The following NOVA1 variants were observed in gnomAD, a reference collection of about 807,000 sequenced individuals.
NOVA1 encodes RNA-binding protein Nova-1.
A neutral mutation model predicts 38.0 loss-of-function variants in NOVA1; 7 were observed. The observed-to-expected ratio is 0.18, with a 90% confidence interval of 0.10 to 0.35. The LOEUF is 0.35. Ranked by LOEUF, NOVA1 falls within the 10% of genes least tolerant of loss-of-function variation. The probability of loss-of-function intolerance (pLI) is 1.00; values close to 1 mark genes in which losing one functional copy is unlikely to be tolerated. For missense variants in NOVA1, 460 were observed against 616.0 expected (o/e 0.75, Z 2.68); for synonymous variants, 270 against 232.5 (o/e 1.16, Z -1.47).
At chr14:26,498,086 G>T (rs942804204) in intron 2 of NOVA1, among the ~76,000 whole-genome samples, 4 of 152,130 alleles carry the variant, frequency 2.6e-5, no homozygotes, top group Admixed American at 6.6e-5. Flanking sequence ...ATGGGATATA[G>T]TCTTGCTCTG....
chr14:26,577,519 C>T (rs1325338462), intron 2 of NOVA1, among the ~76,000 whole-genome samples: 3 of 152,164 alleles, frequency 2.0e-5, no homozygotes, highest in East Asian at 3.9e-4. Context: ...TCTTTACCTG[C>T]CTACACATAG....
At chr14:26,558,898 T>C (rs565629978) in intron 2 of NOVA1, among the ~76,000 whole-genome samples, 7 of 152,136 alleles carry the variant, frequency 4.6e-5, no homozygotes, top group Non-Finnish European at 1.0e-4. Context: ...TAAGGTAATA[T>C]TGTTTGAGCA....
intron 2 of NOVA1, among the ~76,000 whole-genome samples, chr14:26,514,807 A>G (rs1888342252): frequency 6.9e-6 from 1 of 144,082 alleles, no homozygotes; most frequent in South Asian, 2.1e-4. Context: ...AATACATATG[A>G]ATTGAGACAA....
rs529616639 is a variant in NOVA1 at position 26,576,199 on chromosome 14, GCTAA to G, written c.280+19207_280+19210del. ...CCACCTGATATGGTATACATTTTAA[GCTAA>G]CTGTGTCTTCTAAGAATGATAGATT... is the stretch of plus-strand genomic sequence containing the variant. On this transcript the variant is annotated intron_variant, in intron 2 of 4. Coordinates refer to ENST00000539517, the MANE Select transcript of NOVA1 (RefSeq NM_002515.3). 1.8e-3 allele frequency among the ~76,000 whole-genome samples: 272 copies of G among 151,772 alleles called. 1 individual carries two copies. The highest frequency in any genetic ancestry group is 6.3e-3 in the African/African-American group (260 of 41,448).
At position 26,597,429 on chromosome 14, in the gene NOVA1, G is replaced by A; in HGVS notation, c.8C>T (p.Ala3Val). Residue 3 changes from alanine to valine, a missense_variant, in exon 1 of 5, where the codon GCG becomes GTG. Physicochemically the swap from Ala to Val is moderately conservative, Grantham distance 64. Transcript: ENST00000539517. Reference sequence around the variant, plus strand: ...CCCGTTCTGCTGGATGGGAGCTGCCGCCATCATGTTTGCAGTTCCTGCCGC... The same window carrying A: ...CCCGTTCTGCTGGATGGGAGCTGCCACCATCATGTTTGCAGTTCCTGCCGC... MM[A>V]AAPIQQNGTH... is the part of the protein sequence containing the mutation. 1.5e-6 allele frequency: 2 copies of A among 1,290,770 alleles called. No individual in the cohort carries two copies. The highest frequency in any genetic ancestry group is 9.9e-7 in the Non-Finnish European group (1 of 1,012,242). 80.0% of individuals were successfully genotyped at this position (1,290,770 alleles called of 1,614,324 possible). A position where few individuals can be genotyped will look rare whatever the true frequency, so the allele number is the denominator to read the frequency against.
chr14:26,560,642 C>T (rs1891764318), intron 2 of NOVA1, among the ~76,000 whole-genome samples: 1 of 152,066 alleles, frequency 6.6e-6, no homozygotes. Flanking sequence ...AATCTCATCC[C>T]TGACTCTAAT....
At chr14:26,532,177 T>C (rs1316194625) in intron 2 of NOVA1, among the ~76,000 whole-genome samples, 1 of 152,162 alleles carries the variant, frequency 6.6e-6, no homozygotes, top group African/African-American at 2.4e-5. Context: ...AGATATACCA[T>C]TCCTAAGTAT....
intron 4 of NOVA1, among the ~76,000 whole-genome samples, chr14:26,468,900 A>C (rs956165626): frequency 3.3e-5 from 5 of 152,104 alleles, no homozygotes; most frequent in African/African-American, 1.2e-4. Flanking sequence ...ATTCCAGGAG[A>C]GCTAACAAGG....
intron 2 of NOVA1, chr14:26,592,781 C>G (rs915439317): frequency 6.6e-6 from 1 of 151,608 alleles, no homozygotes; most frequent in Non-Finnish European, 1.5e-5. Flanking sequence ...GCTATAATTT[C>G]TTTAAAGTAC....
intron 4 of NOVA1, among the ~76,000 whole-genome samples, chr14:26,451,498 G>C (rs1198460889): frequency 6.6e-6 from 1 of 152,034 alleles, no homozygotes; most frequent in Non-Finnish European, 1.5e-5. Context: ...TTCGCAAGTA[G>C]CTGGGACTAC....
chr14:26,564,943 T>G (rs1258784934), intron 2 of NOVA1, among the ~76,000 whole-genome samples: 2 of 152,162 alleles, frequency 1.3e-5, no homozygotes, highest in Non-Finnish European at 2.9e-5. Flanking sequence ...ACCTAACTTC[T>G]TAAAATGTAA....
At chr14:26,522,709 G>A (rs1409903304) in intron 2 of NOVA1, among the ~76,000 whole-genome samples, 1 of 151,980 alleles carries the variant, frequency 6.6e-6, no homozygotes, top group Non-Finnish European at 1.5e-5. Context: ...TTCTATTTCT[G>A]ACAAAAATTC....
At chr14:26,494,547 A>G (rs1244375852) in intron 2 of NOVA1, among the ~76,000 whole-genome samples, 2 of 152,196 alleles carry the variant, frequency 1.3e-5, no homozygotes, top group Non-Finnish European at 2.9e-5. Context: ...AAAAATATCA[A>G]GTGCTATAGT....
At chr14:26,478,596 CT>C (rs1195657489) in intron 3 of NOVA1, among the ~76,000 whole-genome samples, 1 of 151,876 alleles carries the variant, frequency 6.6e-6, no homozygotes, top group Non-Finnish European at 1.5e-5. Context: ...CACAGTATTA[CT>C]TTCAAGAATT....
At chr14:26,457,797 T>C (rs1038738473) in intron 4 of NOVA1, among the ~76,000 whole-genome samples, 8 of 152,134 alleles carry the variant, frequency 5.3e-5, no homozygotes, top group Admixed American at 3.9e-4. Context: ...CAGGAGAGGA[T>C]AGCTCCATGT....
At chr14:26,553,470 C>T (rs1428710375) in intron 2 of NOVA1, among the ~76,000 whole-genome samples, 1 of 152,074 alleles carries the variant, frequency 6.6e-6, no homozygotes, top group African/African-American at 2.4e-5. Context: ...GAAGGGAAGA[C>T]TGGTATCTCA....
chr14:26,596,799 A>AT (rs1301157870), intron 1 of NOVA1: 1 of 1,164,400 alleles, frequency 8.6e-7, no homozygotes, highest in East Asian at 6.6e-5. Context: ...AAGATTTTGC[A>AT]TACTACTTGT....
intron 2 of NOVA1, among the ~76,000 whole-genome samples, chr14:26,588,817 C>G (rs1893681865): frequency 1.3e-5 from 2 of 149,992 alleles, no homozygotes; most frequent in African/African-American, 5.0e-5. Context: ...ATCTCTTGAC[C>G]TCTAGATAGC....
chr14:26,539,051 C>G (rs1157170209), intron 2 of NOVA1, among the ~76,000 whole-genome samples: 1 of 152,044 alleles, frequency 6.6e-6, no homozygotes, highest in African/African-American at 2.4e-5. Context: ...AAATATACCC[C>G]CAAGATATTT....
Sources: gnomAD v4.1 joint callset for allele counts (sites outside exome capture counted in the v4.1 genomes callset) on GRCh38, gnomAD v4.1.1 for gene constraint, MANE v1.5 for transcripts, NCBI Gene and HGNC (gene_info 2026-07-23, HGNC 2026-07-21) for gene names.